Variants in AKAP12 observed in about 807,000 individuals in gnomAD.
AKAP12 encodes A-kinase anchor protein 12.
Under a neutral mutation model 79.9 loss-of-function variants are expected in AKAP12, and 32 were observed. That is an observed-to-expected ratio of 0.40 (90% CI 0.30 to 0.54). The LOEUF is 0.54. AKAP12 is among the 20% of genes least tolerant of loss of function. AKAP12 has a pLI of 0.48. For synonymous variants in AKAP12, 808 were observed against 857.0 expected, an observed-to-expected ratio of 0.94 and a Z score of 1.00; for missense variants, 2,074 against 2,177.0, an observed-to-expected ratio of 0.95 and a Z score of 0.94.
intron 2 of AKAP12, among the ~76,000 whole-genome samples, chr6:151,274,935 C>T (rs1378879655): frequency 6.6e-6 from 1 of 152,052 alleles, no homozygotes; most frequent in Non-Finnish European, 1.5e-5. Context: ...GAAACCCCAC[C>T]TCTACAAAAA....
chr6:151,265,150 CAA>C (rs567026860), intron 2 of AKAP12, among the ~76,000 whole-genome samples: 8 of 68,694 alleles, frequency 1.2e-4, no homozygotes, highest in Non-Finnish European at 9.1e-5. Flanking sequence ...GACTCCGTCT[CAA>C]AAAAAAAAAA....
At chr6:151,278,403 A>G (rs1230302163) in intron 2 of AKAP12, among the ~76,000 whole-genome samples, 1 of 151,910 alleles carries the variant, frequency 6.6e-6, no homozygotes, top group Non-Finnish European at 1.5e-5. Flanking sequence ...TTTAGTAGAG[A>G]CAGGGTTTTG....
intron 2 of AKAP12, among the ~76,000 whole-genome samples, chr6:151,279,716 C>T (rs967099996): frequency 5.3e-5 from 8 of 151,764 alleles, no homozygotes; most frequent in African/African-American, 7.3e-5. Flanking sequence ...AGGTGGCAGG[C>T]GCCTGTAGTC....
intron 3 of AKAP12, among the ~76,000 whole-genome samples, chr6:151,335,149 G>C (rs1357068402): frequency 6.6e-6 from 1 of 152,144 alleles, no homozygotes; most frequent in Non-Finnish European, 1.5e-5. Flanking sequence ...GCAGCCATTA[G>C]GTCTTAGTTT....
chr6:151,281,597 G>T (rs1185126750), intron 2 of AKAP12, among the ~76,000 whole-genome samples: 2 of 152,144 alleles, frequency 1.3e-5, no homozygotes, highest in Non-Finnish European at 2.9e-5. Flanking sequence ...GTATTTTGAT[G>T]ATGCTATATA....
intron 3 of AKAP12, chr6:151,341,906 G>A: frequency 4.1e-6 from 3 of 731,930 alleles, no homozygotes; most frequent in South Asian, 3.6e-5. Context: ...CCCAGCCCAG[G>A]CTGTAGAGCC....
At chr6:151,329,468 A>G (rs1209390604) in intron 3 of AKAP12, among the ~76,000 whole-genome samples, 1 of 152,194 alleles carries the variant, frequency 6.6e-6, no homozygotes, top group Non-Finnish European at 1.5e-5. Flanking sequence ...CATTACTGAA[A>G]CTGATAATAT....
At chr6:151,305,977 G>A (rs113901142) in intron 3 of AKAP12, 74 bp downstream of exon 3, 4 of 1,456,112 alleles carry the variant, frequency 2.7e-6, no homozygotes, top group African/African-American at 2.8e-5. Context: ...AAAATACTCT[G>A]TCATACTGCC....
intron 2 of AKAP12, among the ~76,000 whole-genome samples, chr6:151,296,021 G>T (rs2114742443): frequency 6.6e-6 from 1 of 152,324 alleles, no homozygotes; most frequent in Middle Eastern, 3.4e-3. Context: ...TGAATATATG[G>T]ATGGAAAGAA....
At chr6:151,338,241 T>G (rs934146285) in intron 3 of AKAP12, among the ~76,000 whole-genome samples, 1 of 152,198 alleles carries the variant, frequency 6.6e-6, no homozygotes, top group Non-Finnish European at 1.5e-5. Context: ...TCTAATTATG[T>G]CCATTTTAAA....
Position 151,240,496 on chromosome 6 carries a change from C to A in AKAP12, c.-67C>A. 1 of 1,353,684 alleles carries A rather than the reference C, an allele frequency of 7.4e-7. No individual in the cohort carries two copies. The highest frequency in any genetic ancestry group is 9.5e-7 in the Non-Finnish European group (1 of 1,057,640). The allele number at this position is 1,353,684 out of a possible 1,614,324, so 83.9% of individuals were successfully genotyped here. A position where few individuals can be genotyped will look rare whatever the true frequency, so the allele number is the denominator to read the frequency against. On this transcript the variant is annotated 5_prime_UTR_variant, in exon 2 of 5. Transcript: ENST00000402676. ...GCGGGCGCGCGTCTTTTGGCTCTTG[C>A]CCCTGTCCCTGCGGCTTGGGGAAGG...
intron 2 of AKAP12, among the ~76,000 whole-genome samples, chr6:151,289,321 A>T (rs1776567566): frequency 6.6e-6 from 1 of 152,144 alleles, no homozygotes; most frequent in South Asian, 2.1e-4. Context: ...CTGCAAATTC[A>T]CCATACTTGG....
chr6:151,259,509 TATACACAC>T (rs1365765867), intron 2 of AKAP12, among the ~76,000 whole-genome samples: 17 of 92,080 alleles, frequency 1.8e-4, no homozygotes, highest in Admixed American at 7.7e-4. Flanking sequence ...TGTATATATA[TATACACAC>T]ACACACACAC....
Position 151,349,492 on chromosome 6 carries a change from G to T in AKAP12, c.1101G>T (p.Glu367Asp), listed in dbSNP as rs1030495101. 2 of 1,608,284 alleles carry T rather than the reference G, an allele frequency of 1.2e-6. No individual in the cohort carries two copies. The highest frequency in any genetic ancestry group is 1.7e-6 in the Non-Finnish European group (2 of 1,178,376). ...HPQEPAESAH[E>D]PRLSAEYEKV... ...AGGAGCCGGCAGAAAGTGCCCACGA[G>T]CCCCGGTTATCAGCTGAATATGAGA... The change falls in exon 4 of 5, where the codon GAG becomes GAT. Residue 367 changes from glutamate to aspartate, a missense_variant. Physicochemically the swap from Glu to Asp is conservative, Grantham distance 45. This residue lies in a region of AKAP12 where 1,428 missense variants were observed against 1,451.0 expected (regional missense o/e 0.98). Coordinates refer to ENST00000402676, the MANE Select transcript of AKAP12 (RefSeq NM_005100.4).
At chr6:151,273,340 A>C (rs1425160586) in intron 2 of AKAP12, among the ~76,000 whole-genome samples, 1 of 152,162 alleles carries the variant, frequency 6.6e-6, no homozygotes, top group Non-Finnish European at 1.5e-5. Context: ...GCTGATACTG[A>C]GTTTGACTGT....
rs111383550 is a variant in AKAP12 at position 151,309,488 on chromosome 6, AT to A, written c.319+3593del. 9.9e-5 allele frequency among the ~76,000 whole-genome samples: 15 copies of A among 152,120 alleles called. 1 individual carries two copies. Among genetic ancestry groups the A allele is most frequent in the African/African-American group, 3.6e-4 (15 of 41,500 alleles). ...AGTGGCAGACAAAGCTAGAGGTGAA[AT>A]TTTTTTTCCCATTTTGATTCACTTG... is the stretch of plus-strand genomic sequence containing the variant. On this transcript the variant is annotated intron_variant, in intron 3 of 4. Transcript: ENST00000402676.
intron 2 of AKAP12, among the ~76,000 whole-genome samples, chr6:151,278,805 G>C (rs574850232): frequency 5.7e-4 from 87 of 151,892 alleles, no homozygotes; most frequent in African/African-American, 1.1e-3. Flanking sequence ...GTAGCTGGGA[G>C]TACAGGCACC....
At chr6:151,348,157 A>AC (rs1468203037) in intron 3 of AKAP12, among the ~76,000 whole-genome samples, 2 of 150,862 alleles carry the variant, frequency 1.3e-5, no homozygotes, top group Non-Finnish European at 3.0e-5. Context: ...CATCTCAAAA[A>AC]AAACAAACAA....
At chr6:151,340,808 G>C (rs1777925135) in intron 3 of AKAP12, among the ~76,000 whole-genome samples, 1 of 152,166 alleles carries the variant, frequency 6.6e-6, no homozygotes, top group Non-Finnish European at 1.5e-5. Context: ...TTCAGGCCAG[G>C]CTAGTTGTTT....
Sources: allele counts gnomAD v4.1 joint callset (sites outside exome capture counted in the v4.1 genomes callset), GRCh38; gene constraint gnomAD v4.1.1; regional missense constraint gnomAD v4.1.1; transcripts MANE v1.5; gene names NCBI Gene and HGNC (gene_info 2026-07-23, HGNC 2026-07-21).